ROBO2: variants seen among roughly 807,000 people sequenced by gnomAD.
ROBO2 encodes roundabout guidance receptor 2.
Under a neutral mutation model 160.8 loss-of-function variants are expected in ROBO2, and 53 were observed. The observed-to-expected ratio is 0.33, with a 90% CI of 0.26 to 0.41. The LOEUF (loss-of-function observed/expected upper bound fraction) is 0.41, where lower values mean the gene tolerates loss of function less well. Among genes scored for constraint, ROBO2 ranks in the 10% least tolerant of loss-of-function variants. The pLI, the probability that ROBO2 is intolerant of heterozygous loss-of-function variation, is 1.00. For synonymous variants in ROBO2, 664 were observed against 611.7 expected, an observed-to-expected ratio of 1.09 and a Z score of -1.26; for missense variants, 1,577 against 1,722.4, an observed-to-expected ratio of 0.92 and a Z score of 1.49.
intron 2 of ROBO2, among the ~76,000 whole-genome samples, chr3:76,998,682 A>G (rs1331378545): frequency 6.6e-6 from 1 of 152,164 alleles, no homozygotes; most frequent in Non-Finnish European, 1.5e-5. Flanking sequence ...AACCCTTCAC[A>G]TCGTGATATT....
chr3:77,544,275 C>T (rs369639430), intron 6 of ROBO2, among the ~76,000 whole-genome samples: 10 of 152,094 alleles, frequency 6.6e-5, no homozygotes, highest in South Asian at 2.1e-4. Context: ...TCTGCTGATT[C>T]GGGAGAACTG....
At position 76,222,000 on chromosome 3, in the gene ROBO2, A is replaced by G. The variant is rs559266137; in HGVS notation, c.109+284398A>G. On this transcript the variant is annotated intron_variant, in intron 2 of 26. Coordinates refer to the ROBO2 transcript ENST00000487694. ...GGTAGCTGGCTGATCACCCTGGGGA[A>G]TAATGCCAAATGGGATCACAATGTG... Among the ~76,000 whole-genome samples the G allele has an allele frequency of 5.9e-5, 9 of 152,268 alleles. No individual in the cohort carries two copies. The South Asian group carries it at 1.7e-3, about 28-fold the overall frequency.
At chr3:76,493,337 T>TTATA (rs57835432) in intron 2 of ROBO2, among the ~76,000 whole-genome samples, 5,639 of 104,688 alleles carry the variant, frequency 0.054, 421 homozygotes, top group Admixed American at 0.16. Flanking sequence ...AGACAAAAAA[T>TTATA]TATATATATA....
chr3:77,278,339 A>G lies in ROBO2; in HGVS notation c.388+179999A>G, dbSNP rs549522889. ...TTCAATCTCTACTCTGGCCTTCCTG[A>G]TAACACTGTAACTCATATCTTTCCA... On this transcript the variant is annotated intron_variant, in intron 2 of 25. Transcript: ENST00000461745. Among the ~76,000 whole-genome samples, 78 of 152,274 alleles carry G rather than the reference A, an allele frequency of 5.1e-4. No individual in the cohort carries two copies. The South Asian group carries it at 7.0e-3, about 14-fold the overall frequency.
chr3:77,529,319 T>C (rs879907873), intron 6 of ROBO2, among the ~76,000 whole-genome samples: 1 of 151,660 alleles, frequency 6.6e-6, no homozygotes, highest in Non-Finnish European at 1.5e-5. Flanking sequence ...CATTACAGTA[T>C]TTATAGGAGA....
chr3:77,437,026 C>T (rs1024320768), intron 2 of ROBO2, among the ~76,000 whole-genome samples: 18 of 152,066 alleles, frequency 1.2e-4, no homozygotes, highest in African/African-American at 3.9e-4. Flanking sequence ...TGATTCAATT[C>T]TGCATTAAAA....
chr3:76,551,204 G>A (rs867987247), intron 2 of ROBO2, among the ~76,000 whole-genome samples: 19 of 151,984 alleles, frequency 1.3e-4, no homozygotes, highest in African/African-American at 4.3e-4. Flanking sequence ...ACAGAAGTTG[G>A]GACTACCAGC....
Position 75,993,888 on chromosome 3 carries a change from C to A in ROBO2, c.109+56286C>A, listed in dbSNP as rs140897788. On this transcript the variant is annotated intron_variant, in intron 2 of 26. Transcript: ENST00000487694. ...CTCTTGTTCTCAAACTACTCCCAGA[C>A]CCAACCCCTCCACCAAAGTTACATT... 1.8e-4 allele frequency among the ~76,000 whole-genome samples: 28 copies of A among 152,298 alleles called. 1 individual carries two copies. Among genetic ancestry groups the A allele is most frequent in the African/African-American group, 6.5e-4 (27 of 41,572 alleles).
intron 24 of ROBO2, 95 bp from the exon 26 acceptor site, chr3:77,642,576 A>G (rs1477844911): frequency 2.6e-6 from 1 of 382,954 alleles, no homozygotes; most frequent in African/African-American, 2.1e-5. Flanking sequence ...TATGGGTAAT[A>G]CCTGTATAAG....
At chr3:76,439,173 G>A (rs1433297725) in intron 2 of ROBO2, among the ~76,000 whole-genome samples, 1 of 152,132 alleles carries the variant, frequency 6.6e-6, no homozygotes, top group African/African-American at 2.4e-5. Context: ...AATGCCAACT[G>A]CATGACAAGT....
chr3:77,362,523 A>G (rs534014361), intron 2 of ROBO2, among the ~76,000 whole-genome samples: 5 of 152,192 alleles, frequency 3.3e-5, no homozygotes, highest in African/African-American at 1.2e-4. Context: ...TGCTAAACTG[A>G]CTTAGCAGGG....
intron 2 of ROBO2, among the ~76,000 whole-genome samples, chr3:76,798,272 G>GA (rs1340166522): frequency 7.7e-6 from 1 of 130,598 alleles, no homozygotes; most frequent in Non-Finnish European, 1.7e-5. Flanking sequence ...AAGAAAGAAA[G>GA]AAAGAAAGAA....
intron 2 of ROBO2, among the ~76,000 whole-genome samples, chr3:77,138,812 G>C (rs1267233805): frequency 3.3e-5 from 5 of 152,092 alleles, no homozygotes; most frequent in Non-Finnish European, 7.4e-5. Flanking sequence ...GACAATTGCA[G>C]AGTTTATGGA....
intron 2 of ROBO2, among the ~76,000 whole-genome samples, chr3:76,231,980 G>A (rs6788256): frequency 0.92 from 139,346 of 152,236 alleles, 63,942 homozygotes; most frequent in Middle Eastern, 0.98. Context: ...GTCCTCATTA[G>A]TAAAATAAAT....
At chr3:76,714,028 C>T (rs1024016916) in intron 2 of ROBO2, among the ~76,000 whole-genome samples, 7 of 151,282 alleles carry the variant, frequency 4.6e-5, no homozygotes, top group African/African-American at 1.5e-4. Context: ...TACAGAAAAC[C>T]GTAGTTAGTA....
intron 2 of ROBO2, among the ~76,000 whole-genome samples, chr3:76,013,018 A>G (rs575308244): frequency 6.6e-6 from 1 of 151,234 alleles, no homozygotes; most frequent in East Asian, 2.0e-4. Context: ...TAAAATATGC[A>G]TAAAGGCAAT....
At chr3:76,503,000 A>ATGTGTGTGTGTG (rs76969660) in intron 2 of ROBO2, among the ~76,000 whole-genome samples, 1 of 143,060 alleles carries the variant, frequency 7.0e-6, no homozygotes, top group Admixed American at 6.7e-5. Flanking sequence ...ATATATATAT[A>ATGTGTGTGTGTG]TGTGTGTGTG....
At chr3:76,690,018 C>T (rs889360114) in intron 2 of ROBO2, among the ~76,000 whole-genome samples, 4 of 152,108 alleles carry the variant, frequency 2.6e-5, no homozygotes, top group Admixed American at 6.6e-5. Flanking sequence ...ATATAAGGTG[C>T]CACAAGAATA....
chr3:77,572,317 T>G (rs1173129749), intron 13 of ROBO2, among the ~76,000 whole-genome samples: 4 of 152,022 alleles, frequency 2.6e-5, no homozygotes, highest in African/African-American at 9.7e-5. Flanking sequence ...CACTGACAGT[T>G]TTGATGAAAG....
Sources: gnomAD v4.1 joint callset for allele counts (sites outside exome capture counted in the v4.1 genomes callset) on GRCh38, gnomAD v4.1.1 for gene constraint, MANE v1.5 for transcripts, NCBI Gene and HGNC (gene_info 2026-07-23, HGNC 2026-07-21) for gene names.